The following MMP16 variants were observed in gnomAD, a reference collection of about 807,000 sequenced individuals.
MMP16 encodes the protein matrix metalloproteinase-16.
A neutral mutation model predicts 67.8 loss-of-function variants in MMP16; 12 were observed. That is an observed-to-expected ratio of 0.18 (90% confidence interval 0.11 to 0.29). The LOEUF (loss-of-function observed/expected upper bound fraction) is 0.29, where lower values mean the gene tolerates loss of function less well. Among genes scored for constraint, MMP16 ranks in the 10% least tolerant of loss-of-function variants. The pLI, the probability that MMP16 is intolerant of heterozygous loss-of-function variation, is 1.00. For missense variants in MMP16, 475 were observed against 765.7 expected (o/e 0.62, Z 4.48); for synonymous variants, 249 against 255.9 (o/e 0.97, Z 0.26).
chr8:88,260,782 T>A (rs1467250), intron 1 of MMP16, among the ~76,000 whole-genome samples: 32,902 of 151,990 alleles, frequency 0.22, 4,135 homozygotes, highest in African/African-American at 0.34. Flanking sequence ...ATGACTAAAA[T>A]ATCCTCATGT....
chr8:88,059,838 G>T (rs1001642501), intron 7 of MMP16, among the ~76,000 whole-genome samples: 2 of 151,956 alleles, frequency 1.3e-5, no homozygotes, highest in Admixed American at 6.6e-5. Flanking sequence ...AACACCGAGA[G>T]ATTTTCCCTC....
At chr8:88,082,969 T>G (rs1365411556) in intron 6 of MMP16, among the ~76,000 whole-genome samples, 3 of 152,026 alleles carry the variant, frequency 2.0e-5, no homozygotes, top group Non-Finnish European at 2.9e-5. Flanking sequence ...GATTGTACAT[T>G]AGTGGGAAAT....
chr8:88,267,232 T>C (rs1185903065), intron 1 of MMP16, among the ~76,000 whole-genome samples: 1 of 152,224 alleles, frequency 6.6e-6, no homozygotes, highest in Non-Finnish European at 1.5e-5. Flanking sequence ...TATAAAATTC[T>C]GTGGTCATCC....
At chr8:88,166,205 C>T (rs1808707990) in intron 4 of MMP16, among the ~76,000 whole-genome samples, 1 of 151,928 alleles carries the variant, frequency 6.6e-6, no homozygotes, top group Non-Finnish European at 1.5e-5. Context: ...AATGTCATGA[C>T]TAGGGTTAAC....
chr8:88,137,198 T>C (rs1420325774), intron 4 of MMP16, among the ~76,000 whole-genome samples: 2 of 151,904 alleles, frequency 1.3e-5, no homozygotes, highest in Non-Finnish European at 2.9e-5. Flanking sequence ...TGAAGTCTTT[T>C]ATCTATTTTC....
At chr8:88,279,116 G>A (rs1363632696) in intron 1 of MMP16, among the ~76,000 whole-genome samples, 1 of 151,960 alleles carries the variant, frequency 6.6e-6, no homozygotes, top group Admixed American at 6.6e-5. Context: ...CAGCCACTAA[G>A]GAGGCTGAGG....
chr8:88,270,315 C>A (rs1810545511), intron 1 of MMP16, among the ~76,000 whole-genome samples: 1 of 152,042 alleles, frequency 6.6e-6, no homozygotes, highest in Non-Finnish European at 1.5e-5. Context: ...AAATTTCCTC[C>A]AAAATTTATC....
intron 1 of MMP16, among the ~76,000 whole-genome samples, chr8:88,246,507 G>A (rs1037174070): frequency 8.3e-4 from 127 of 152,240 alleles, no homozygotes; most frequent in Non-Finnish European, 1.3e-3. Context: ...GATGTTATCA[G>A]TTTAGTGGGA....
chr8:88,311,964 A>C (rs1432101586), intron 1 of MMP16, among the ~76,000 whole-genome samples: 3 of 152,174 alleles, frequency 2.0e-5, no homozygotes, highest in Non-Finnish European at 4.4e-5. Flanking sequence ...GAGGCAATTG[A>C]TTAGAAGTAG....
chr8:88,299,683 T>A (rs536788470), intron 1 of MMP16, among the ~76,000 whole-genome samples: 1 of 152,300 alleles, frequency 6.6e-6, no homozygotes, highest in South Asian at 2.1e-4. Context: ...CTATAATGTA[T>A]ACTGCAATGA....
At chr8:88,134,993 A>G (rs2118485571) in intron 4 of MMP16, among the ~76,000 whole-genome samples, 1 of 151,814 alleles carries the variant, frequency 6.6e-6, no homozygotes. Flanking sequence ...AGGATAAGAA[A>G]TAAATCTTTC....
chr8:88,220,972 C>T (rs566604153), intron 1 of MMP16, among the ~76,000 whole-genome samples: 17 of 152,180 alleles, frequency 1.1e-4, no homozygotes, highest in African/African-American at 3.6e-4. Flanking sequence ...CAGTTAAATT[C>T]GCAAGAATGC....
At chr8:88,288,733 A>T (rs981096465) in intron 1 of MMP16, among the ~76,000 whole-genome samples, 7 of 152,220 alleles carry the variant, frequency 4.6e-5, no homozygotes, top group Non-Finnish European at 7.3e-5. Context: ...TCAGGAAACC[A>T]ATGTTTATTG....
chr8:88,184,746 C>CAAAAAAAA lies in MMP16; in HGVS notation c.404+1722_404+1729dup, dbSNP rs61606557. Among the ~76,000 whole-genome samples the CAAAAAAAA allele has an allele frequency of 1.5e-3, 71 of 47,482 alleles. 4 individuals carry two copies. Among genetic ancestry groups the CAAAAAAAA allele is most frequent in the African/African-American group, 3.5e-3 (36 of 10,422 alleles). The allele number at this position is 47,482 out of a possible 152,430, so 31.2% of individuals were successfully genotyped here. A position where few individuals can be genotyped will look rare whatever the true frequency, so the allele number is the denominator to read the frequency against. Reference sequence around the variant, plus strand: ...TGAGCGACAGAGTGAGGCCCTGTCTCAAAAAAAAAAAAAAAAAAAAAAAAA... The same window carrying CAAAAAAAA: ...TGAGCGACAGAGTGAGGCCCTGTCTCAAAAAAAAAAAAAAAAAAAAAAAAAAAAAAAAA... On this transcript the variant is annotated intron_variant, in intron 3 of 9. Transcript: ENST00000286614.
Position 88,036,574 on chromosome 8 carries a change from G to A in MMP16, c.*4887C>T, listed in dbSNP as rs540388844. The stretch of plus-strand genomic sequence containing the variant: ...TTCCCTCCTAGGCAACGTGGAGCCT[G>A]TAACTTAACTGCATATGCTCTGGCA... On this transcript the variant is annotated 3_prime_UTR_variant, in exon 10 of 10. Transcript: ENST00000286614. 9 of 151,904 alleles carry A rather than the reference G, an allele frequency of 5.9e-5. No individual in the cohort carries two copies. Among genetic ancestry groups the A allele is most frequent in the Admixed American group, 5.9e-4 (9 of 15,212 alleles). 9.4% of individuals were successfully genotyped at this position (151,904 alleles called of 1,614,324 possible).
intron 1 of MMP16, among the ~76,000 whole-genome samples, chr8:88,228,492 T>C (rs887784306): frequency 6.6e-6 from 1 of 152,058 alleles, no homozygotes; most frequent in Non-Finnish European, 1.5e-5. Flanking sequence ...AAAATATATA[T>C]GTTACCAATG....
chr8:88,169,539 G>T (rs1808766452), intron 3 of MMP16, among the ~76,000 whole-genome samples: 1 of 152,112 alleles, frequency 6.6e-6, no homozygotes, highest in Admixed American at 6.6e-5. Context: ...TTCTGTGTTA[G>T]ACCACATATC....
intron 1 of MMP16, among the ~76,000 whole-genome samples, chr8:88,307,819 T>C (rs569407169): frequency 1.3e-5 from 2 of 152,096 alleles, no homozygotes; most frequent in South Asian, 4.1e-4. Flanking sequence ...AGATAATCTA[T>C]GGAAAGAATA....
At chr8:88,160,798 A>G (rs1008237055) in intron 4 of MMP16, among the ~76,000 whole-genome samples, 1 of 152,072 alleles carries the variant, frequency 6.6e-6, no homozygotes, top group Admixed American at 6.6e-5. Context: ...TACCCAAAGG[A>G]CTATAAATCA....
Sources: gnomAD v4.1 joint callset for allele counts (sites outside exome capture counted in the v4.1 genomes callset) on GRCh38, gnomAD v4.1.1 for gene constraint, MANE v1.5 for transcripts, NCBI Gene and HGNC (gene_info 2026-07-23, HGNC 2026-07-21) for gene names.